NBPF11: variants seen among roughly 807,000 people sequenced by gnomAD.
NBPF11 encodes NBPF member 11, also known as NBPF family member NBPF11.
A neutral mutation model predicts 93.9 loss-of-function variants in NBPF11; 72 were observed. The observed-to-expected ratio is 0.77, with a 90% CI of 0.63 to 0.93. The LOEUF is 0.93. Ranked by LOEUF, NBPF11 falls within the 40% of genes least tolerant of loss-of-function variation. The pLI, the probability that NBPF11 is intolerant of heterozygous loss-of-function variation, is 0.00. For synonymous variants in NBPF11, 224 were observed against 304.9 expected (o/e 0.73, Z 2.76); for missense variants, 705 against 802.2 (o/e 0.88, Z 1.46).
Position 148,108,518 on chromosome 1 carries a change from C to G in NBPF11, c.1990G>C (p.Glu664Gln), listed in dbSNP as rs1553267803. 3 of 1,599,940 alleles carry G rather than the reference C, an allele frequency of 1.9e-6. No individual in the cohort carries two copies. Among genetic ancestry groups the G allele is most frequent in the East Asian group, 2.2e-5 (1 of 44,748 alleles). The change falls in exon 18 of 24, where the codon GAG becomes CAG. Residue 664 changes from glutamate (E) to glutamine (Q), a missense_variant. Around this residue, in one of 12 missense-constraint regions of NBPF11, gnomAD observed 97 missense variants for 65.0 expected, o/e 1.49. Transcript: ENST00000682118. ...ACAGCCAAGCCAATACGCTGTTGCT[C>G]CAATACGTAAAAGGCACTTCTGTAG... ...QPYRSAFYVLEQQRIGLAVDM... is the reference protein window; with the variant it reads ...QPYRSAFYVLQQQRIGLAVDM...
chr1:148,150,645 T>G (rs1648048618), intron 1 of NBPF11, among the ~76,000 whole-genome samples: 1 of 151,628 alleles, frequency 6.6e-6, no homozygotes, highest in Non-Finnish European at 1.5e-5. Context: ...CTTAACTTCG[T>G]GAAGCACTGG....
chr1:148,107,146 CA>C (rs1663860901), intron 19 of NBPF11, 32 bp from the exon 20 acceptor site: 2 of 572,428 alleles, frequency 3.5e-6, no homozygotes, highest in Non-Finnish European at 6.1e-6. Flanking sequence ...AAGAATAAGC[CA>C]GGGGGAATCA....
At chr1:148,130,565 T>A in intron 4 of NBPF11, among the ~76,000 whole-genome samples, 1 of 151,894 alleles carries the variant, frequency 6.6e-6, no homozygotes, top group Middle Eastern at 3.4e-3. Context: ...TGGCTATTAA[T>A]CTCTATTATG....
chr1:148,131,078 G>A (rs1416041852), intron 4 of NBPF11, among the ~76,000 whole-genome samples: 7 of 150,920 alleles, frequency 4.6e-5, no homozygotes, highest in Admixed American at 2.6e-4. Context: ...GCATCCATAC[G>A]TAGCAGGCCA....
At chr1:148,108,174 A>C (rs1376971131) in intron 18 of NBPF11, among the ~76,000 whole-genome samples, 1 of 150,368 alleles carries the variant, frequency 6.7e-6, no homozygotes, top group African/African-American at 2.4e-5. Flanking sequence ...TGAAATCTAC[A>C]AGATCTACAG....
chr1:148,144,010 T>C (rs1223897381), intron 1 of NBPF11, among the ~76,000 whole-genome samples: 60 of 151,486 alleles, frequency 4.0e-4, no homozygotes, highest in Admixed American at 3.8e-3. Context: ...TGAGCTATGA[T>C]GGCACCACTG....
At chr1:148,141,319 A>G (rs2149290689) in intron 2 of NBPF11, among the ~76,000 whole-genome samples, 1 of 152,188 alleles carries the variant, frequency 6.6e-6, no homozygotes, top group African/African-American at 2.4e-5. Flanking sequence ...ATGATGTATC[A>G]ACAGTGGTTC....
At chr1:148,108,754 A>T (rs1310886861) in intron 17 of NBPF11, 100 bp from the exon 18 acceptor site, 6 of 771,288 alleles carry the variant, frequency 7.8e-6, no homozygotes, top group Admixed American at 1.9e-5. Flanking sequence ...GTTTGAAAAG[A>T]AAAAGGACAG....
intron 6 of NBPF11, 62 bp downstream of exon 6, chr1:148,124,837 G>A: frequency 6.4e-7 from 1 of 1,554,646 alleles, no homozygotes; most frequent in South Asian, 1.1e-5. Context: ...TCCCCGCCGA[G>A]CTGCTGTACT....
In NBPF11 at chr1:148,122,115, G is replaced by A; in HGVS notation, c.718C>T (p.Leu240=). 1 of 1,613,466 alleles carries A rather than the reference G, an allele frequency of 6.2e-7. No individual in the cohort carries two copies. The highest frequency in any genetic ancestry group is 1.1e-5 in the South Asian group (1 of 91,068). ...TFEEDKVNSS[L]VVDRESSHDG... is the part of the protein sequence containing the mutation. ...TGAGAGGATTCTCTGTCTACAACCA[G>A]AGATGAGTTGACTTTGTCTTCCTCA... The change falls in exon 9 of 24, where the codon CTG becomes TTG. Residue 240 remains leucine, a synonymous_variant. Transcript: ENST00000682118.
chr1:148,146,952 G>T, intron 1 of NBPF11: 2 of 1,573,844 alleles, frequency 1.3e-6, no homozygotes, highest in South Asian at 2.3e-5. Flanking sequence ...AGCTCAGCCT[G>T]GGCACACCCA....
At chr1:148,104,024 T>A (rs1662926716) in intron 23 of NBPF11, 112 bp from the exon 24 acceptor site, 6 of 1,601,686 alleles carry the variant, frequency 3.7e-6, no homozygotes, top group East Asian at 2.2e-5. Context: ...AAAGGACAGA[T>A]CCATTAATGA....
Position 148,120,589 on chromosome 1 carries a change from T to C in NBPF11, c.900A>G (p.Ala300=), listed in dbSNP as rs1667593158. The part of the protein sequence containing the change: ...EINEKLCPQL[A]EKKQQFRSLK... The stretch of plus-strand genomic sequence containing the variant: ...GGCTTCTGAACTGCTGTTTCTTCTC[T>C]GCCAGCTGGGGGCACAATTTCTCAT... Residue 300 remains alanine, a synonymous_variant, in exon 10 of 24, where the codon GCA becomes GCG. Coordinates refer to ENST00000682118, the MANE Select transcript of NBPF11 (RefSeq NM_001385469.3). 2 of 1,469,876 alleles carry C rather than the reference T, an allele frequency of 1.4e-6. No homozygotes were observed. Among genetic ancestry groups the C allele is most frequent in the East Asian group, 4.6e-5 (2 of 43,882 alleles). 91.1% of individuals were successfully genotyped at this position (1,469,876 alleles called of 1,614,324 possible). A position where few individuals can be genotyped will look rare whatever the true frequency, so the allele number is the denominator to read the frequency against.
intron 1 of NBPF11, among the ~76,000 whole-genome samples, chr1:148,146,077 CG>C (rs1280388378): frequency 6.6e-6 from 1 of 151,882 alleles, no homozygotes; most frequent in African/African-American, 2.4e-5. Context: ...GGCAGGGGTG[CG>C]GAGGGACCGA....
intron 6 of NBPF11, 131 bp downstream of exon 6, chr1:148,124,768 G>T (rs1668693626): frequency 2.5e-6 from 2 of 798,862 alleles, no homozygotes; most frequent in Non-Finnish European, 4.4e-6. Context: ...ATATTTGTGT[G>T]TCATGAGCCT....
Position 148,118,709 on chromosome 1 carries a change from G to A in NBPF11, c.1002C>T (p.Cys334=), listed in dbSNP as rs1667152411. The change falls in exon 11 of 24, where the codon TGC becomes TGT. Residue 334 remains cysteine (C), a synonymous_variant. Coordinates refer to ENST00000682118, the MANE Select transcript of NBPF11 (RefSeq NM_001385469.3). ...TCAGCATAGATTTTATGAGGTCTTT[G>A]CACTCTTCATATTCTGAGAAAAGAC... ...KQQNKYKYEE[C]KDLIKSMLRN... 1.2e-6 allele frequency: 2 copies of A among 1,612,562 alleles called. No individual in the cohort carries two copies. Among genetic ancestry groups the A allele is most frequent in the East Asian group, 2.2e-5 (1 of 44,848 alleles).
chr1:148,133,713 G>A (rs1216649770), intron 4 of NBPF11, among the ~76,000 whole-genome samples: 8 of 150,438 alleles, frequency 5.3e-5, no homozygotes, highest in South Asian at 2.1e-4. Flanking sequence ...TGAGGCGGGC[G>A]GATCACACTT....
chr1:148,105,576 C>A lies in NBPF11; in HGVS notation c.2304-48G>T, dbSNP rs1367109476. ...AGAATAAGCCAGGGGAAATCACACACAACAGAGCCCCAACTAGGTTTCATG... is the reference window on the plus strand; with the variant it reads ...AGAATAAGCCAGGGGAAATCACACAAAACAGAGCCCCAACTAGGTTTCATG... On this transcript the variant is annotated intron_variant, in intron 21 of 23. Transcript: ENST00000682118. The A allele has an allele frequency of 5.6e-6, 4 of 718,528 alleles. 1 individual carries two copies. The highest frequency in any genetic ancestry group is 3.8e-5 in the Admixed American group (2 of 51,970). 44.5% of individuals were successfully genotyped at this position (718,528 alleles called of 1,614,324 possible).
chr1:148,119,449 A>G (rs1397503889), intron 10 of NBPF11, among the ~76,000 whole-genome samples: 1 of 152,006 alleles, frequency 6.6e-6, no homozygotes, highest in Non-Finnish European at 1.5e-5. Context: ...CCCTCTGAAC[A>G]GGTGAGGAAA....
Sources: gnomAD v4.1 joint callset for allele counts (sites outside exome capture counted in the v4.1 genomes callset) on GRCh38, gnomAD v4.1.1 for gene constraint, gnomAD v4.1.1 regional missense constraint, MANE v1.5 for transcripts, NCBI Gene and HGNC (gene_info 2026-07-23, HGNC 2026-07-21) for gene names.